ZNF707: variants seen among roughly 807,000 people sequenced by gnomAD.
ZNF707 encodes the protein zinc finger protein 707.
Under a neutral mutation model 13.3 loss-of-function variants are expected in ZNF707, and 8 were observed. That is an observed-to-expected ratio of 0.60 (90% CI 0.35 to 1.09). The LOEUF (loss-of-function observed/expected upper bound fraction) is 1.09. Among genes scored for constraint, ZNF707 ranks in the 50% least tolerant of loss-of-function variants. ZNF707 has a pLI of 0.02. For synonymous variants in ZNF707, 225 were observed against 205.6 expected, an observed-to-expected ratio of 1.09 and a Z score of -0.81; for missense variants, 530 against 512.6, an observed-to-expected ratio of 1.03 and a Z score of -0.33.
rs56213419 is a variant in ZNF707, at chr8:143,694,737, G to A, written c.*207G>A. The A allele has an allele frequency of 0.028, 16,263 of 589,980 alleles. 375 individuals are homozygous for A. The highest frequency in any genetic ancestry group is 0.083 in the African/African-American group (4,448 of 53,292). 36.5% of individuals were successfully genotyped at this position (589,980 alleles called of 1,614,324 possible). ...GAGCCATGGGTACGCCGGAGATGGC[G>A]GGGGCTCTGGAGATGGCGGGGGCTG... On this transcript the variant is annotated 3_prime_UTR_variant, in exon 6 of 6. Transcript: ENST00000358656. The surrounding 1 kb of genome is among the most constrained non-coding windows in gnomAD (Gnocchi z 4.4).
Position 143,693,349 on chromosome 8 carries a change from G to A in ZNF707, c.257-322G>A, listed in dbSNP as rs1245954069. Among the ~76,000 whole-genome samples, 5 of 151,360 alleles carry A rather than the reference G, an allele frequency of 3.3e-5. No individual in the cohort carries two copies. Among genetic ancestry groups the A allele is most frequent in the Non-Finnish European group, 5.9e-5 (4 of 67,822 alleles). On this transcript the variant is annotated intron_variant, in intron 5 of 5. Transcript: ENST00000358656. The surrounding 1 kb of genome is among the most constrained non-coding windows in gnomAD (Gnocchi z 4.1). The stretch of plus-strand genomic sequence containing the variant: ...AGGCTGGACTGCGGACTGCAGTGGC[G>A]CAATCTCGGCTCACTGCAAGCTCCG...
chr8:143,693,541 C>T lies in ZNF707; in HGVS notation c.257-130C>T, dbSNP rs980779003. On this transcript the variant is annotated intron_variant, in intron 5 of 5. Transcript: ENST00000358656. The surrounding 1 kb of genome is among the most constrained non-coding windows in gnomAD (Gnocchi z 4.1). ...CGATCTCCTGACCTCATGATCCACC[C>T]GCCTCGGCCTCCCAAAGTGCTGGGA... 2.0e-5 allele frequency: 21 copies of T among 1,030,230 alleles called. No homozygotes were observed. Among genetic ancestry groups the T allele is most frequent in the Non-Finnish European group, 2.5e-5 (19 of 750,346 alleles). The allele number at this position is 1,030,230 out of a possible 1,614,324, so 63.8% of individuals were successfully genotyped here. A position where few individuals can be genotyped will look rare whatever the true frequency, so the allele number is the denominator to read the frequency against.
At chr8:143,692,005 C>G in intron 5 of ZNF707, 4 of 1,454,194 alleles carry the variant, frequency 2.8e-6, no homozygotes, top group Non-Finnish European at 3.7e-6. Context: ...ACCTAGCCAC[C>G]CAGGTGCTGT....
intron 1 of ZNF707, 46 bp downstream of exon 1, chr8:143,684,588 G>A (rs28548729): frequency 0.23 from 34,475 of 152,308 alleles, 4,126 homozygotes; most frequent in East Asian, 0.35. Flanking sequence ...CCTGGGTCGT[G>A]GGCTGTCAAA....
In ZNF707 at chr8:143,694,548, G is replaced by A; in HGVS notation, c.*18G>A. ...AGGTGTAGGGGCGCCCGAAGAGTGGGGTGCTGCGCCTCTGCGGGAGTACTG... is the reference window on the plus strand; with the variant it reads ...AGGTGTAGGGGCGCCCGAAGAGTGGAGTGCTGCGCCTCTGCGGGAGTACTG... On this transcript the variant is annotated 3_prime_UTR_variant, in exon 6 of 6. Transcript: ENST00000358656. This position sits in a 1 kb window ranked among gnomAD's most constrained non-coding sequence, Gnocchi z 4.4. 1 of 1,570,982 alleles carries A rather than the reference G, an allele frequency of 6.4e-7. No homozygotes were observed. The highest frequency in any genetic ancestry group is 8.7e-7 in the Non-Finnish European group (1 of 1,154,262).
In ZNF707 at chr8:143,689,200, T is replaced by G. The variant is rs1587380958; in HGVS notation, c.-150-4T>G. ...TTTCATCGAGTTTGTCTGTTTCATC[T>G]CAGTTGCTGAACCTGTTTGCATGAG... On this transcript the variant is annotated splice_region_variant and splice_polypyrimidine_tract_variant and intron_variant, in intron 1 of 5. Coordinates refer to ENST00000358656, the MANE Select transcript of ZNF707 (RefSeq NM_001100598.2). 1 of 152,430 alleles carries G rather than the reference T, an allele frequency of 6.6e-6. No homozygotes were observed. The highest frequency in any genetic ancestry group is 1.9e-4 in the East Asian group (1 of 5,192). 9.4% of individuals were successfully genotyped at this position (152,430 alleles called of 1,614,324 possible).
chr8:143,690,593 T>C (rs1377070668), intron 3 of ZNF707, among the ~76,000 whole-genome samples: 1 of 151,918 alleles, frequency 6.6e-6, no homozygotes, highest in Non-Finnish European at 1.5e-5. Context: ...GAAAATTGGA[T>C]TCATTGACAC....
At position 143,694,751 on chromosome 8, in the gene ZNF707, T is replaced by C; in HGVS notation, c.*221T>C. The C allele has an allele frequency of 1.8e-6, 1 of 545,076 alleles. No individual in the cohort carries two copies. Among genetic ancestry groups the C allele is most frequent in the Non-Finnish European group, 3.1e-6 (1 of 321,618 alleles). The allele number at this position is 545,076 out of a possible 1,614,324, so 33.8% of individuals were successfully genotyped here. ...CCGGAGATGGCGGGGGCTCTGGAGA[T>C]GGCGGGGGCTGCGCCCCGGCGCCGG... On this transcript the variant is annotated 3_prime_UTR_variant, in exon 6 of 6. Transcript: ENST00000358656. The surrounding 1 kb of genome is among the most constrained non-coding windows in gnomAD (Gnocchi z 4.4).
chr8:143,690,262 AG>A (rs1187004803), intron 3 of ZNF707, 139 bp downstream of exon 3: 2 of 1,165,300 alleles, frequency 1.7e-6, no homozygotes, highest in Non-Finnish European at 2.4e-6. Context: ...TTCTCTCTTA[AG>A]GGGTGGGGAA....
chr8:143,686,370 C>T (rs1179433297), intron 1 of ZNF707, among the ~76,000 whole-genome samples: 1 of 151,468 alleles, frequency 6.6e-6, no homozygotes, highest in Non-Finnish European at 1.5e-5. Flanking sequence ...CCGCGAATGG[C>T]CGGGAGCTGT....
At chr8:143,684,581 G>C (rs1816074660) in intron 1 of ZNF707, 39 bp downstream of exon 1, 1 of 152,384 alleles carries the variant, frequency 6.6e-6, no homozygotes, top group African/African-American at 2.4e-5. Flanking sequence ...CTCCGTCCCT[G>C]GGTCGTGGGC....
intron 3 of ZNF707, 30 bp downstream of exon 3, chr8:143,690,153 C>G: frequency 6.2e-7 from 1 of 1,601,776 alleles, no homozygotes; most frequent in Non-Finnish European, 8.5e-7. Flanking sequence ...AGCGCAGCCT[C>G]CCTTCTGCCC....
At chr8:143,689,981 TG>T (rs35228840) in intron 2 of ZNF707, 75 bp from the exon 3 acceptor site, 674,471 of 1,149,906 alleles carry the variant, frequency 0.59, 215,317 homozygotes, top group Non-Finnish European at 0.67. Flanking sequence ...ATTTGCTGAG[TG>T]GGGGGGCTCC....
Position 143,692,090 on chromosome 8 carries a change from GCACGTGA to G in ZNF707, c.256+378_256+384del. 3 of 1,339,386 alleles carry G rather than the reference GCACGTGA, an allele frequency of 2.2e-6. No individual in the cohort carries two copies. In the South Asian group the frequency reaches 3.7e-5, roughly 16 times the overall value. 83.0% of individuals were successfully genotyped at this position (1,339,386 alleles called of 1,614,324 possible). Reference sequence around the variant, plus strand: ...TGGGGTCCCAGGCCTGGTACTGACTGCACGTGAGGGTCTCCAGGTATGTGGCTCTGGG... The same window carrying G: ...TGGGGTCCCAGGCCTGGTACTGACTGGGGTCTCCAGGTATGTGGCTCTGGG... On this transcript the variant is annotated intron_variant, in intron 5 of 5. Coordinates refer to ENST00000358656, the MANE Select transcript of ZNF707 (RefSeq NM_001100598.2).
intron 2 of ZNF707, 24 bp downstream of exon 2, chr8:143,689,325 C>T (rs1554612928): frequency 6.6e-6 from 1 of 152,604 alleles, no homozygotes; most frequent in African/African-American, 2.4e-5. Context: ...GGCTATCTTC[C>T]TCCAGCTGGT....
At chr8:143,687,547 A>C (rs917036607) in intron 1 of ZNF707, 1 of 150,764 alleles carries the variant, frequency 6.6e-6, no homozygotes, top group Non-Finnish European at 1.5e-5. Context: ...TATTGGCCAG[A>C]CTGGTCTCAA....
chr8:143,691,569 TA>T, intron 4 of ZNF707, 30 bp from the exon 5 acceptor site: 1 of 1,569,914 alleles, frequency 6.4e-7, no homozygotes, highest in Non-Finnish European at 8.6e-7. Flanking sequence ...TCAGTACAAG[TA>T]AAACAGAAAC....
Position 143,693,721 on chromosome 8 carries a change from G to A in ZNF707, c.307G>A (p.Ala103Thr). 6.2e-7 allele frequency: 1 copy of A among 1,611,252 alleles called. No homozygotes were observed. Among genetic ancestry groups the A allele is most frequent in the Non-Finnish European group, 8.5e-7 (1 of 1,178,892 alleles). The change falls in exon 6 of 6, where the codon GCT becomes ACT. Residue 103 changes from alanine to threonine, a missense_variant. Transcript: ENST00000358656. The surrounding 1 kb of genome is among the most constrained non-coding windows in gnomAD (Gnocchi z 4.1). Reference sequence around the variant, plus strand: ...GAGACCTTGTGATCATCCAGCTTGGGCTCACAAGAAAACCCACGTGCGGCG... The same window carrying A: ...GAGACCTTGTGATCATCCAGCTTGGACTCACAAGAAAACCCACGTGCGGCG... ...PKRPCDHPAW[A>T]HKKTHVRRER...
At chr8:143,691,019 G>A (rs1374054376) in intron 3 of ZNF707, 54 bp from the exon 4 acceptor site, 1 of 1,608,304 alleles carries the variant, frequency 6.2e-7, no homozygotes, top group Non-Finnish European at 8.5e-7. Context: ...AGACCTGTGG[G>A]CTGAGCCTTC....
Sources: gnomAD v4.1 joint callset for allele counts (sites outside exome capture counted in the v4.1 genomes callset) on GRCh38, gnomAD v4.1.1 for gene constraint, Gnocchi (gnomAD v3.1) non-coding constraint, MANE v1.5 for transcripts, NCBI Gene and HGNC (gene_info 2026-07-23, HGNC 2026-07-21) for gene names.